ZNF385D: variants seen among roughly 807,000 people sequenced by gnomAD.
The protein encoded by ZNF385D is zinc finger protein 659.
In ZNF385D, 15 loss-of-function variants were observed where a neutral mutation model predicts 35.8. That is an observed-to-expected ratio of 0.42 (90% CI 0.28 to 0.64). The LOEUF (loss-of-function observed/expected upper bound fraction) is 0.64. Ranked by LOEUF, ZNF385D falls within the 30% of genes least tolerant of loss-of-function variation. The pLI is 0.23. For synonymous variants in ZNF385D, 212 were observed against 186.8 expected (o/e 1.13, Z -1.10); for missense variants, 474 against 494.6 (o/e 0.96, Z 0.39).
chr3:21,791,955 G>C (rs1284284915), intron 3 of ZNF385D, among the ~76,000 whole-genome samples: 3 of 152,044 alleles, frequency 2.0e-5, no homozygotes, highest in Non-Finnish European at 4.4e-5. Flanking sequence ...GGATGGTCTC[G>C]ATCTCCTGAC....
chr3:22,309,487 G>T (rs764978635), intron 2 of ZNF385D, among the ~76,000 whole-genome samples: 12 of 152,010 alleles, frequency 7.9e-5, no homozygotes, highest in Non-Finnish European at 1.6e-4. Flanking sequence ...CGACTATATA[G>T]AGAGTATTAA....
intron 2 of ZNF385D, among the ~76,000 whole-genome samples, chr3:22,287,619 A>G (rs1235230753): frequency 6.6e-6 from 1 of 151,982 alleles, no homozygotes. Flanking sequence ...CTAACTTGGC[A>G]TACACAAACT....
At chr3:21,932,601 A>G (rs527671129) in intron 3 of ZNF385D, among the ~76,000 whole-genome samples, 8 of 152,078 alleles carry the variant, frequency 5.3e-5, no homozygotes, top group Admixed American at 2.0e-4. Flanking sequence ...AGCTTTAACA[A>G]TCAATTGAAT....
intron 3 of ZNF385D, among the ~76,000 whole-genome samples, chr3:22,103,371 G>A (rs1257202463): frequency 6.6e-6 from 1 of 151,922 alleles, no homozygotes; most frequent in Non-Finnish European, 1.5e-5. Context: ...AACACCCCAA[G>A]AATAAAATTA....
At chr3:21,982,985 G>T (rs1209984337) in intron 3 of ZNF385D, among the ~76,000 whole-genome samples, 1 of 151,870 alleles carries the variant, frequency 6.6e-6, no homozygotes, top group East Asian at 1.9e-4. Flanking sequence ...TGCTGAATTT[G>T]GTTTGCGAGT....
intron 3 of ZNF385D, among the ~76,000 whole-genome samples, chr3:21,838,091 G>A (rs1010009176): frequency 1.3e-5 from 2 of 151,962 alleles, no homozygotes; most frequent in Non-Finnish European, 2.9e-5. Context: ...CAATCTTAAT[G>A]GCATGATTAT....
intron 3 of ZNF385D, among the ~76,000 whole-genome samples, chr3:21,908,358 T>C (rs1255776738): frequency 1.3e-5 from 2 of 152,104 alleles, no homozygotes; most frequent in Non-Finnish European, 2.9e-5. Context: ...AACAGATAGA[T>C]ACCTTTCCTA....
chr3:21,905,221 A>AAAAAAAAAAAAC (rs1559740699), intron 3 of ZNF385D, among the ~76,000 whole-genome samples: 1 of 148,960 alleles, frequency 6.7e-6, no homozygotes, highest in Admixed American at 7.1e-5. Flanking sequence ...AAAAAAAAAA[A>AAAAAAAAAAAAC]AAAAAAACCC....
chr3:22,107,800 A>G (rs554375822), intron 3 of ZNF385D, among the ~76,000 whole-genome samples: 67 of 152,048 alleles, frequency 4.4e-4, no homozygotes, highest in African/African-American at 1.5e-3. Flanking sequence ...TGGTATTAAT[A>G]GTGCTTGTTT....
intron 4 of ZNF385D, among the ~76,000 whole-genome samples, chr3:21,442,725 G>A (rs1169127007): frequency 6.6e-6 from 1 of 151,430 alleles, no homozygotes; most frequent in East Asian, 1.9e-4. Flanking sequence ...AACCAATTGA[G>A]CAGATGGGAA....
intron 1 of ZNF385D, among the ~76,000 whole-genome samples, chr3:21,741,051 T>C (rs1165656357): frequency 6.9e-6 from 1 of 144,674 alleles, no homozygotes; most frequent in Non-Finnish European, 1.6e-5. Context: ...TGGCAGTGCC[T>C]GGCACAGCAG....
intron 3 of ZNF385D, among the ~76,000 whole-genome samples, chr3:22,007,786 C>T (rs1336718195): frequency 6.6e-6 from 1 of 150,788 alleles, no homozygotes; most frequent in Non-Finnish European, 1.5e-5. Context: ...TCTCAACTGC[C>T]TTTTGATATG....
chr3:22,183,176 T>G (rs992565186), intron 2 of ZNF385D, among the ~76,000 whole-genome samples: 1 of 152,112 alleles, frequency 6.6e-6, no homozygotes, highest in Non-Finnish European at 1.5e-5. Flanking sequence ...AATAGTTAAG[T>G]TTACATATAG....
chr3:22,076,042 C>T (rs1024658867), intron 3 of ZNF385D, among the ~76,000 whole-genome samples: 4 of 151,890 alleles, frequency 2.6e-5, no homozygotes, highest in African/African-American at 9.7e-5. Context: ...TTTGTCTCCC[C>T]CATTACCAAC....
At position 22,331,923 on chromosome 3, in the gene ZNF385D, T is replaced by G. The variant is rs865863464; in HGVS notation, c.106+40527A>C. ...TATGTGGATTCCTGGCACAGGCACT[T>G]GATTTAAAATTTGTGGTCTTGCTTT... On this transcript the variant is annotated intron_variant, in intron 2 of 5. Coordinates refer to the ZNF385D transcript ENST00000494108. Among the ~76,000 whole-genome samples the G allele has an allele frequency of 3.0e-4, 46 of 152,302 alleles. No individual in the cohort carries two copies. The Middle Eastern group carries it at 0.017, about 56-fold the overall frequency.
At chr3:21,988,640 C>G (rs1412560267) in intron 3 of ZNF385D, among the ~76,000 whole-genome samples, 426 of 143,690 alleles carry the variant, frequency 3.0e-3, no homozygotes, top group South Asian at 8.0e-3. Flanking sequence ...GTGCCCTGCC[C>G]GCAGAGGTGG....
At chr3:22,109,101 C>T (rs1702377840) in intron 3 of ZNF385D, among the ~76,000 whole-genome samples, 1 of 152,064 alleles carries the variant, frequency 6.6e-6, no homozygotes, top group Non-Finnish European at 1.5e-5. Context: ...TATAATAACC[C>T]CTCTTCACTG....
At chr3:22,149,592 C>T (rs1197738853) in intron 3 of ZNF385D, among the ~76,000 whole-genome samples, 1 of 152,140 alleles carries the variant, frequency 6.6e-6, no homozygotes, top group Non-Finnish European at 1.5e-5. Context: ...AAAGCCACGA[C>T]CATAGAGGTA....
intron 3 of ZNF385D, among the ~76,000 whole-genome samples, chr3:22,132,726 T>C (rs766681929): frequency 7.2e-5 from 11 of 152,118 alleles, no homozygotes; most frequent in South Asian, 2.1e-4. Context: ...GCATAAGAGA[T>C]AGTAATATTA....
Sources: gnomAD v4.1 joint callset for allele counts (sites outside exome capture counted in the v4.1 genomes callset) on GRCh38, gnomAD v4.1.1 for gene constraint, MANE v1.5 for transcripts, NCBI Gene and HGNC (gene_info 2026-07-23, HGNC 2026-07-21) for gene names.